RALGAPA1: variants seen among roughly 807,000 people sequenced by gnomAD.
The protein encoded by RALGAPA1 is Ral GTPase activating protein catalytic subunit alpha 1.
RALGAPA1 carries 52 observed loss-of-function variants against 269.6 expected under a neutral mutation model. The ratio of observed to expected loss-of-function variants is 0.19; its 90% CI spans 0.15 to 0.24. The LOEUF (loss-of-function observed/expected upper bound fraction) is 0.24, where lower values mean the gene tolerates loss of function less well. RALGAPA1 is among the 10% of genes least tolerant of loss of function. The pLI is 1.00. For missense variants in RALGAPA1, 1,917 were observed against 3,013.9 expected, an observed-to-expected ratio of 0.64 and a Z score of 8.52; for synonymous variants, 817 against 1,008.3, an observed-to-expected ratio of 0.81 and a Z score of 3.60.
intron 35 of RALGAPA1, among the ~76,000 whole-genome samples, chr14:35,612,537 T>A (rs1273345787): frequency 6.7e-6 from 1 of 150,336 alleles, no homozygotes; most frequent in Non-Finnish European, 1.5e-5. Flanking sequence ...TTCTTCTTCT[T>A]CTTCTTTTTT....
intron 39 of RALGAPA1, among the ~76,000 whole-genome samples, chr14:35,557,134 G>A (rs182972094): frequency 0.28 from 41,068 of 146,790 alleles, 6,858 homozygotes; most frequent in African/African-American, 0.49. Context: ...GTGTGTGTGT[G>A]TGTATATATA....
intron 33 of RALGAPA1, 124 bp from the exon 34 acceptor site, chr14:35,628,075 T>C: frequency 9.2e-7 from 1 of 1,090,448 alleles, no homozygotes; most frequent in South Asian, 1.9e-5. Flanking sequence ...TTAGATTCCA[T>C]AATACAGTAA....
At chr14:35,620,719 C>G (rs768596035) in intron 35 of RALGAPA1, among the ~76,000 whole-genome samples, 3 of 152,080 alleles carry the variant, frequency 2.0e-5, no homozygotes, top group Non-Finnish European at 4.4e-5. Context: ...ACATCATTAA[C>G]AGACAAACAA....
intron 26 of RALGAPA1, among the ~76,000 whole-genome samples, chr14:35,665,927 G>A (rs1472495217): frequency 6.6e-6 from 1 of 152,010 alleles, no homozygotes; most frequent in African/African-American, 2.4e-5. Context: ...TAAGGAGGTG[G>A]GGGGCAGACG....
At chr14:35,650,465 T>A (rs76252720) in intron 31 of RALGAPA1, among the ~76,000 whole-genome samples, 1 of 152,044 alleles carries the variant, frequency 6.6e-6, no homozygotes, top group Non-Finnish European at 1.5e-5. Context: ...ATGATGATGA[T>A]AAAGTATTTA....
At chr14:35,732,522 A>G (rs946984371) in intron 12 of RALGAPA1, among the ~76,000 whole-genome samples, 8 of 152,176 alleles carry the variant, frequency 5.3e-5, no homozygotes, top group African/African-American at 1.7e-4. Flanking sequence ...CTCAACAAAC[A>G]CAGAAGGACT....
At chr14:35,652,244 C>T (rs942898462) in intron 30 of RALGAPA1, among the ~76,000 whole-genome samples, 2 of 151,580 alleles carry the variant, frequency 1.3e-5, no homozygotes, top group Non-Finnish European at 2.9e-5. Flanking sequence ...AGGCTGGGCA[C>T]GGTGGCTCAA....
At chr14:35,733,763 G>A (rs941713908) in intron 12 of RALGAPA1, among the ~76,000 whole-genome samples, 2 of 151,782 alleles carry the variant, frequency 1.3e-5, no homozygotes, top group African/African-American at 4.8e-5. Flanking sequence ...AAATACAAAA[G>A]ATAAATGAAA....
At chr14:35,675,466 G>A (rs1005251272) in intron 22 of RALGAPA1, among the ~76,000 whole-genome samples, 1 of 152,124 alleles carries the variant, frequency 6.6e-6, no homozygotes, top group Admixed American at 6.5e-5. Flanking sequence ...GTGAGCCACC[G>A]CACCCGACCG....
chr14:35,771,640 T>C lies in RALGAPA1; in HGVS notation c.268-641A>G, dbSNP rs545938095. Among the ~76,000 whole-genome samples, 77 of 152,304 alleles carry C rather than the reference T, an allele frequency of 5.1e-4. 1 individual carries two copies. Among genetic ancestry groups the C allele is most frequent in the African/African-American group, 1.7e-3 (72 of 41,566 alleles). The stretch of plus-strand genomic sequence containing the variant: ...CTAATTCTAATATATTTAAAATGCT[T>C]ATTTACTATTTCTAGATTTTCTTTT... On this transcript the variant is annotated intron_variant, in intron 3 of 41. Transcript: ENST00000680220.
At chr14:35,722,387 AG>A (rs1259852836) in intron 15 of RALGAPA1, among the ~76,000 whole-genome samples, 1 of 152,178 alleles carries the variant, frequency 6.6e-6, no homozygotes, top group Non-Finnish European at 1.5e-5. Context: ...GGAGGTGGGC[AG>A]ATTGTTTGAG....
rs775866101 is a variant in RALGAPA1, at chr14:35,725,017, T to C, written c.1866+7A>G. The stretch of plus-strand genomic sequence containing the variant: ...CAGCTATTCATCTATTTATTTATTT[T>C]TATTGCCTGGAAAAGTGGTCCTGCA... On this transcript the variant is annotated splice_region_variant and intron_variant, in intron 14 of 41. Transcript: ENST00000680220. 6.7e-5 allele frequency: 106 copies of C among 1,586,746 alleles called. No individual in the cohort carries two copies. Among genetic ancestry groups the C allele is most frequent in the Non-Finnish European group, 8.6e-5 (100 of 1,168,664 alleles).
chr14:35,697,335 T>TTTTTG (rs148372620), intron 17 of RALGAPA1, among the ~76,000 whole-genome samples: 3 of 151,556 alleles, frequency 2.0e-5, no homozygotes, highest in East Asian at 3.9e-4. Context: ...ACAGTGTTTT[T>TTTTTG]TTTTGTTTTG....
chr14:35,728,588 G>A, intron 12 of RALGAPA1, 78 bp from the exon 13 acceptor site: 1 of 1,445,834 alleles, frequency 6.9e-7, no homozygotes, highest in Non-Finnish European at 9.1e-7. Context: ...AACAGACACT[G>A]ATCACACTGT....
At chr14:35,654,954 T>C (rs1378146879) in intron 29 of RALGAPA1, among the ~76,000 whole-genome samples, 2 of 152,194 alleles carry the variant, frequency 1.3e-5, no homozygotes, top group African/African-American at 2.4e-5. Context: ...TCTTTTCCAG[T>C]CTTCTCTGAT....
rs1228497935 is a variant in RALGAPA1, at chr14:35,655,935, C to G, written c.5388-20G>C. ...ACACATCTGCAAAAAAGGCAAACAA[C>G]AACGGTTACATAAAATGAAACCACC... is the stretch of plus-strand genomic sequence containing the variant. On this transcript the variant is annotated intron_variant, in intron 28 of 41. Coordinates refer to ENST00000680220, the MANE Select transcript of RALGAPA1 (RefSeq NM_001346249.2). 2 of 1,612,566 alleles carry G rather than the reference C, an allele frequency of 1.2e-6. No homozygotes were observed. The highest frequency in any genetic ancestry group is 1.7e-6 in the Non-Finnish European group (2 of 1,179,388).
intron 6 of RALGAPA1, among the ~76,000 whole-genome samples, chr14:35,758,243 C>CAAAAAAAAAAAAAAAAAAA (rs66473514): frequency 8.0e-5 from 4 of 49,742 alleles, no homozygotes; most frequent in Non-Finnish European, 1.2e-4. Context: ...GACTCTGTCT[C>CAAAAAAAAAAAAAAAAAAA]AAAAAAAAAA....
intron 37 of RALGAPA1, among the ~76,000 whole-genome samples, chr14:35,592,533 C>T (rs193052101): frequency 6.6e-6 from 1 of 152,160 alleles, no homozygotes; most frequent in Non-Finnish European, 1.5e-5. Flanking sequence ...CTAAGCTAGA[C>T]AGACACCAGA....
chr14:35,715,892 G>C, intron 16 of RALGAPA1: 1 of 985,296 alleles, frequency 1.0e-6, no homozygotes, highest in Non-Finnish European at 1.2e-6. Context: ...TCCACTCATA[G>C]TTTTATTTTG....
Sources: allele counts gnomAD v4.1 joint callset (sites outside exome capture counted in the v4.1 genomes callset), GRCh38; gene constraint gnomAD v4.1.1; transcripts MANE v1.5; gene names NCBI Gene and HGNC (gene_info 2026-07-23, HGNC 2026-07-21).